Variants in ATG14 observed in about 807,000 individuals in gnomAD.
ATG14 encodes the protein beclin 1-associated autophagy-related key regulator.
Under a neutral mutation model 60.4 loss-of-function variants are expected in ATG14, and 35 were observed. The observed-to-expected ratio is 0.58, with a 90% CI of 0.44 to 0.77. The LOEUF (loss-of-function observed/expected upper bound fraction) is 0.77, where lower values mean the gene tolerates loss of function less well. Ranked by LOEUF, ATG14 falls within the 30% of genes least tolerant of loss-of-function variation. The pLI, the probability that ATG14 is intolerant of heterozygous loss-of-function variation, is 0.00. For missense variants in ATG14, 647 were observed against 626.3 expected (o/e 1.03, Z -0.35); for synonymous variants, 234 against 228.8 (o/e 1.02, Z -0.21).
Position 55,385,906 on chromosome 14 carries a change from C to T in ATG14, c.600G>A (p.Glu200=). ...CGATTGGAAAAATGACAGAGGTGAG[C>T]TCTAATATATGGGATCGTCGAAGAT... ...LANLRRSHIL[E]LTSVIFPIEE... The change falls in exon 5 of 10, where the codon GAG becomes GAA. Residue 200 remains glutamate, a synonymous_variant. Coordinates refer to ENST00000247178, the MANE Select transcript of ATG14 (RefSeq NM_014924.5). The T allele has an allele frequency of 6.2e-7, 1 of 1,614,038 alleles. No homozygotes were observed. Among genetic ancestry groups the T allele is most frequent in the Non-Finnish European group, 8.5e-7 (1 of 1,179,976 alleles).
chr14:55,401,503 A>G (rs1447354130), intron 1 of ATG14, among the ~76,000 whole-genome samples: 1 of 151,842 alleles, frequency 6.6e-6, no homozygotes, highest in Non-Finnish European at 1.5e-5. Flanking sequence ...TATTTTCCGT[A>G]TTTTCTCTCC....
chr14:55,399,667 CTTTTAT>C (rs1330717740), intron 1 of ATG14, among the ~76,000 whole-genome samples: 2 of 152,164 alleles, frequency 1.3e-5, no homozygotes, highest in Non-Finnish European at 2.9e-5. Context: ...ATAGTATTTA[CTTTTAT>C]ATCAGTGAGA....
rs1237053805 is a variant in ATG14, at chr14:55,381,987, C to T, written c.852G>A (p.Glu284=). 6.2e-7 allele frequency: 1 copy of T among 1,614,152 alleles called. No homozygotes were observed. The highest frequency in any genetic ancestry group is 8.5e-7 in the Non-Finnish European group (1 of 1,180,012). Residue 284 remains glutamate (E), a synonymous_variant, in exon 6 of 10, where the codon GAG becomes GAA. Coordinates refer to ENST00000247178, the MANE Select transcript of ATG14 (RefSeq NM_014924.5). ...GDYSAYYSWV[E]EKKTTQGPDM... ...CAGGCCCCTGGGTTGTTTTCTTCTC[C>T]TCCACCCAGCTGTAGTAGGCAGAGT...
chr14:55,406,174 T>G (rs1207942450), intron 1 of ATG14, among the ~76,000 whole-genome samples: 2 of 152,250 alleles, frequency 1.3e-5, no homozygotes, highest in Non-Finnish European at 2.9e-5. Flanking sequence ...TTAATTTTCC[T>G]TGAGCTGCTA....
chr14:55,387,753 C>T (rs1490830689), intron 4 of ATG14, among the ~76,000 whole-genome samples: 6 of 151,924 alleles, frequency 3.9e-5, no homozygotes, highest in Non-Finnish European at 8.8e-5. Flanking sequence ...ACTGCAACCT[C>T]CGCCTCCCGG....
chr14:55,388,940 C>T (rs1422694792), intron 4 of ATG14, among the ~76,000 whole-genome samples: 3 of 151,964 alleles, frequency 2.0e-5, no homozygotes, highest in Non-Finnish European at 2.9e-5. Context: ...AGAGTAAGCA[C>T]GTTGAAGCTT....
At chr14:55,383,623 G>A (rs1333840972) in intron 5 of ATG14, among the ~76,000 whole-genome samples, 1 of 151,500 alleles carries the variant, frequency 6.6e-6, no homozygotes, top group East Asian at 1.9e-4. Flanking sequence ...AAAATAACAA[G>A]CCCATCATGA....
intron 4 of ATG14, among the ~76,000 whole-genome samples, chr14:55,387,468 G>C (rs150864054): frequency 6.6e-6 from 1 of 151,970 alleles, no homozygotes; most frequent in South Asian, 2.1e-4. Context: ...TTTGCTCTTC[G>C]GAACCCTATG....
In ATG14 at chr14:55,400,625, C is replaced by T. The variant is rs184680714; in HGVS notation, c.222-3191G>A. On this transcript the variant is annotated intron_variant, in intron 1 of 9. Transcript: ENST00000247178. ...TTCCTACAAATAAAATAAACTGGGC[C>T]GGTGCGGTGGCTCACACCTGTAATC... Among the ~76,000 whole-genome samples, 24 of 152,152 alleles carry T rather than the reference C, an allele frequency of 1.6e-4. No homozygotes were observed. The East Asian group carries it at 4.4e-3, about 28-fold the overall frequency.
chr14:55,381,769 C>T (rs1885037765), intron 6 of ATG14, among the ~76,000 whole-genome samples, 193 bp downstream of exon 6: 1 of 152,168 alleles, frequency 6.6e-6, no homozygotes, highest in Admixed American at 6.5e-5. Flanking sequence ...GGAAATGTGA[C>T]ACTTTCATGC....
intron 1 of ATG14, among the ~76,000 whole-genome samples, chr14:55,400,825 A>T (rs949044266): frequency 2.6e-5 from 4 of 151,746 alleles, no homozygotes; most frequent in African/African-American, 9.7e-5. Flanking sequence ...AATTGCTTGA[A>T]CCCGGGAAGC....
intron 4 of ATG14, 54 bp downstream of exon 4, chr14:55,390,857 G>T: frequency 7.8e-7 from 1 of 1,275,292 alleles, no homozygotes; most frequent in African/African-American, 1.5e-5. Context: ...TTAATCCCAT[G>T]AAATTCCACA....
At position 55,382,093 on chromosome 14, in the gene ATG14, C is replaced by A; in HGVS notation, c.746G>T (p.Arg249Leu). 1 of 1,614,136 alleles carries A rather than the reference C, an allele frequency of 6.2e-7. No homozygotes were observed. Among genetic ancestry groups the A allele is most frequent in the Non-Finnish European group, 8.5e-7 (1 of 1,180,024 alleles). ...EARRTTYLSG[R>L]WVCDDHNGDT... is the part of the protein sequence containing the mutation. ...TCCGTTGTGATCGTCACAGACCCATCGTCCTGAGAGGTAAGTTGTCCTCCG... is the reference window on the plus strand; with the variant it reads ...TCCGTTGTGATCGTCACAGACCCATAGTCCTGAGAGGTAAGTTGTCCTCCG... Residue 249 changes from arginine to leucine, a missense_variant, in exon 6 of 10, where the codon CGA becomes CTA. Arg to Leu is a moderately radical substitution (Grantham distance 102). Coordinates refer to ENST00000247178, the MANE Select transcript of ATG14 (RefSeq NM_014924.5).
At chr14:55,383,535 A>G (rs919459164) in intron 5 of ATG14, among the ~76,000 whole-genome samples, 2 of 152,082 alleles carry the variant, frequency 1.3e-5, no homozygotes, top group Non-Finnish European at 2.9e-5. Context: ...TGGGTGACAA[A>G]GCGAGACTCC....
At chr14:55,383,345 AT>A (rs1214150815) in intron 5 of ATG14, among the ~76,000 whole-genome samples, 3 of 152,084 alleles carry the variant, frequency 2.0e-5, no homozygotes, top group Non-Finnish European at 2.9e-5. Context: ...GAGGTCAGGA[AT>A]TCGAGATCAG....
chr14:55,378,648 C>T (rs1594777286), intron 7 of ATG14, among the ~76,000 whole-genome samples: 1 of 152,164 alleles, frequency 6.6e-6, no homozygotes, highest in East Asian at 1.9e-4. Context: ...TATGATCACA[C>T]ACCTGCCCAC....
intron 1 of ATG14, among the ~76,000 whole-genome samples, chr14:55,402,158 G>C (rs1031460416): frequency 6.6e-6 from 1 of 152,066 alleles, no homozygotes; most frequent in African/African-American, 2.4e-5. Flanking sequence ...TAGCCTCACC[G>C]TAACACCCAC....
chr14:55,369,964 C>G (rs779258707), intron 9 of ATG14, 39 bp from the exon 10 acceptor site: 1 of 1,529,976 alleles, frequency 6.5e-7, no homozygotes, highest in East Asian at 2.3e-5. Context: ...GGATAACAAC[C>G]ATTCTCAACA....
chr14:55,396,030 C>T lies in ATG14; in HGVS notation c.285-48G>A, dbSNP rs777367124. On this transcript the variant is annotated intron_variant, in intron 2 of 9. Transcript: ENST00000247178. ...ATAAGCTCTTAAAAATAATAAAATT[C>T]TGTGAAGTTCAAAAATGTAAAATCA... 7.7e-6 allele frequency: 11 copies of T among 1,430,434 alleles called. No homozygotes were observed. The Admixed American group carries it at 1.8e-4, about 24-fold the overall frequency. The allele number at this position is 1,430,434 out of a possible 1,614,324, so 88.6% of individuals were successfully genotyped here. A position where few individuals can be genotyped will look rare whatever the true frequency, so the allele number is the denominator to read the frequency against.
Sources: gnomAD v4.1 joint callset for allele counts (sites outside exome capture counted in the v4.1 genomes callset) on GRCh38, gnomAD v4.1.1 for gene constraint, MANE v1.5 for transcripts, NCBI Gene and HGNC (gene_info 2026-07-23, HGNC 2026-07-21) for gene names.